Variants in ZNF678 observed in about 807,000 individuals in gnomAD.
ZNF678 encodes the protein hypothetical protein MGC42493.
Under a neutral mutation model 3.0 loss-of-function variants are expected in ZNF678, and 5 were observed. That is an observed-to-expected ratio of 1.69 (90% confidence interval 0.88 to 3.56). The LOEUF is 3.56. Ranked by LOEUF, ZNF678 falls within the 30% of genes most tolerant of loss-of-function variation. The pLI is 0.00. For synonymous variants in ZNF678, 218 were observed against 199.6 expected (o/e 1.09, Z -0.78); for missense variants, 593 against 605.0 (o/e 0.98, Z 0.21).
chr1:227,631,748 A>G (rs188508819), intron 1 of ZNF678, among the ~76,000 whole-genome samples: 1 of 152,290 alleles, frequency 6.6e-6, no homozygotes, highest in East Asian at 1.9e-4. Context: ...GCTGGTTTTT[A>G]TGTGCTAAAG....
Position 227,580,357 on chromosome 1 carries a change from A to AT in ZNF678, c.-164+16635dup, listed in dbSNP as rs144994419. On this transcript the variant is annotated intron_variant, in intron 1 of 3. Coordinates refer to ENST00000343776, the MANE Select transcript of ZNF678 (RefSeq NM_001367909.1). ...TTAAAATAAAGCAAAATTGACTTTC[A>AT]TTAGTCATACTTTCACCTTTAATAC... Among the ~76,000 whole-genome samples the AT allele has an allele frequency of 2.8e-3, 424 of 152,286 alleles. 2 individuals carry two copies. The highest frequency in any genetic ancestry group is 0.014 in the Middle Eastern group (4 of 294).
chr1:227,568,619 A>G (rs1356263148), intron 1 of ZNF678, among the ~76,000 whole-genome samples: 1 of 152,176 alleles, frequency 6.6e-6, no homozygotes. Flanking sequence ...AAACTGGTAC[A>G]TGTTTTGCTG....
At position 227,622,223 on chromosome 1, in the gene ZNF678, C is replaced by T. The variant is rs11582643; in HGVS notation, c.-163-24321C>T. ...CAAGAACTTTGGTGTCCACAACTTG[C>T]CTTGTCTTATTCACACATTTCTTTC... On this transcript the variant is annotated intron_variant, in intron 1 of 3. Transcript: ENST00000343776. Among the ~76,000 whole-genome samples the T allele has an allele frequency of 4.0e-3, 616 of 152,284 alleles. 5 individuals carry two copies. The highest frequency in any genetic ancestry group is 7.8e-3 in the Admixed American group (119 of 15,286).
downstream of ZNF678, among the ~76,000 whole-genome samples, chr1:227,666,279 G>A (rs1226367932): frequency 6.6e-6 from 1 of 152,120 alleles, no homozygotes; most frequent in Non-Finnish European, 1.5e-5. Flanking sequence ...AAAAAAGGGA[G>A]CCCAAACAGG....
chr1:227,623,371 G>A (rs145848241), intron 1 of ZNF678, among the ~76,000 whole-genome samples: 2 of 152,312 alleles, frequency 1.3e-5, no homozygotes, highest in East Asian at 3.9e-4. Context: ...TCTCCCTTCA[G>A]TTACCTCATC....
intron 1 of ZNF678, among the ~76,000 whole-genome samples, chr1:227,619,004 AG>A (rs1427298281): frequency 5.3e-5 from 8 of 152,292 alleles, no homozygotes; most frequent in Non-Finnish European, 1.2e-4. Flanking sequence ...AGACAGAGTG[AG>A]GGGGGACCTG....
At chr1:227,630,433 AC>A (rs1658521074) in intron 1 of ZNF678, among the ~76,000 whole-genome samples, 1 of 152,236 alleles carries the variant, frequency 6.6e-6, no homozygotes, top group Non-Finnish European at 1.5e-5. Flanking sequence ...TGACTGAGAT[AC>A]CGGAGATCAC....
chr1:227,656,063 T>C lies in ZNF678; in HGVS notation c.*235T>C, dbSNP rs776680460. On this transcript the variant is annotated 3_prime_UTR_variant, in exon 4 of 4. Transcript: ENST00000343776. Reference sequence around the variant, plus strand: ...CAATTATTCAGACTTTATTCAACTTTAGAGGATTTTACGGGGGCAAAAAAC... The same window carrying C: ...CAATTATTCAGACTTTATTCAACTTCAGAGGATTTTACGGGGGCAAAAAAC... The C allele has an allele frequency of 3.3e-5, 11 of 335,962 alleles. No homozygotes were observed. The highest frequency in any genetic ancestry group is 4.7e-5 in the Non-Finnish European group (9 of 192,784). The allele number at this position is 335,962 out of a possible 1,614,324, so 20.8% of individuals were successfully genotyped here. A position where few individuals can be genotyped will look rare whatever the true frequency, so the allele number is the denominator to read the frequency against.
At chr1:227,621,742 C>T (rs1658284998) in intron 1 of ZNF678, among the ~76,000 whole-genome samples, 1 of 152,186 alleles carries the variant, frequency 6.6e-6, no homozygotes, top group Non-Finnish European at 1.5e-5. Context: ...AATGAATGGA[C>T]TTTTGGCCAA....
rs1332939413 is a variant in ZNF678, at chr1:227,581,457, C to G, written c.-164+17733C>G. ...CCCTCTTGTAGTTTCTGCCTATCCA[C>G]CAAGTGCAAACATTACCCTGATTTC... On this transcript the variant is annotated intron_variant, in intron 1 of 3. Transcript: ENST00000343776. Among the ~76,000 whole-genome samples the G allele has an allele frequency of 2.0e-5, 3 of 152,204 alleles. No individual in the cohort carries two copies. The East Asian group carries it at 5.8e-4, about 29-fold the overall frequency.
At chr1:227,602,737 A>G (rs1657766687) in intron 1 of ZNF678, among the ~76,000 whole-genome samples, 1 of 152,220 alleles carries the variant, frequency 6.6e-6, no homozygotes, top group Non-Finnish European at 1.5e-5. Flanking sequence ...CTGTGCAAAA[A>G]TATCAGTTTG....
chr1:227,626,381 A>C (rs2102775747), intron 1 of ZNF678, among the ~76,000 whole-genome samples: 1 of 152,256 alleles, frequency 6.6e-6, no homozygotes, highest in East Asian at 1.9e-4. Context: ...AAAATGACTG[A>C]GTAGGGTCCT....
At chr1:227,595,865 C>G (rs905368434) in intron 1 of ZNF678, among the ~76,000 whole-genome samples, 15 of 152,186 alleles carry the variant, frequency 9.9e-5, no homozygotes, top group Admixed American at 8.5e-4. Flanking sequence ...TAGGCAAGTT[C>G]CCAAGACCAG....
intron 1 of ZNF678, among the ~76,000 whole-genome samples, chr1:227,621,685 C>T (rs1658283568): frequency 6.6e-6 from 1 of 152,138 alleles, no homozygotes; most frequent in Non-Finnish European, 1.5e-5. Flanking sequence ...AGGCATTTAG[C>T]AATTTTGGAA....
At chr1:227,623,576 T>G (rs1455764830) in intron 1 of ZNF678, among the ~76,000 whole-genome samples, 3 of 152,202 alleles carry the variant, frequency 2.0e-5, no homozygotes, top group Admixed American at 2.0e-4. Flanking sequence ...AAGCCCTGAA[T>G]TTTCTCTCAC....
downstream of ZNF678, among the ~76,000 whole-genome samples, chr1:227,666,895 C>T (rs1302514259): frequency 6.6e-6 from 1 of 151,688 alleles, no homozygotes; most frequent in Non-Finnish European, 1.5e-5. Context: ...CGGGCATGCG[C>T]CACCACAGCC....
intron 1 of ZNF678, among the ~76,000 whole-genome samples, chr1:227,610,631 T>G (rs183845152): frequency 6.6e-6 from 1 of 152,308 alleles, no homozygotes. Context: ...TCCAGTCACC[T>G]CTCAGTGACT....
intron 1 of ZNF678, among the ~76,000 whole-genome samples, chr1:227,600,728 T>C (rs746471779): frequency 4.6e-5 from 7 of 152,248 alleles, no homozygotes; most frequent in Non-Finnish European, 8.8e-5. Context: ...TCCCATTCTG[T>C]ATGTTGTCTG....
intron 1 of ZNF678, among the ~76,000 whole-genome samples, chr1:227,564,652 T>G (rs530345439): frequency 1.6e-4 from 25 of 152,378 alleles, no homozygotes; most frequent in Admixed American, 4.6e-4. Context: ...TATTGCGTAC[T>G]CCAGGCACAA....
Sources: allele counts gnomAD v4.1 joint callset (sites outside exome capture counted in the v4.1 genomes callset), GRCh38; gene constraint gnomAD v4.1.1; transcripts MANE v1.5; gene names NCBI Gene and HGNC (gene_info 2026-07-23, HGNC 2026-07-21).